The following TRIP12 variants were observed in gnomAD, a reference collection of about 807,000 sequenced individuals.
The protein encoded by TRIP12 is E3 ubiquitin-protein ligase TRIP12.
A neutral mutation model predicts 244.2 loss-of-function variants in TRIP12; 25 were observed. The observed-to-expected ratio is 0.10, with a 90% confidence interval of 0.07 to 0.14. The LOEUF is 0.14. Among genes scored for constraint, TRIP12 ranks in the 10% least tolerant of loss-of-function variants. The pLI is 1.00. For synonymous variants in TRIP12, 905 were observed against 873.1 expected (o/e 1.04, Z -0.64); for missense variants, 1,677 against 2,486.4 (o/e 0.67, Z 6.92).
intron 9 of TRIP12, among the ~76,000 whole-genome samples, chr2:229,816,336 A>C (rs986683790): frequency 6.6e-6 from 1 of 152,028 alleles, no homozygotes; most frequent in Non-Finnish European, 1.5e-5. Context: ...AAAAAAAAAA[A>C]AAAAACTATC....
At chr2:229,873,090 A>G (rs1230511704) in intron 2 of TRIP12, among the ~76,000 whole-genome samples, 4 of 152,204 alleles carry the variant, frequency 2.6e-5, no homozygotes, top group East Asian at 1.9e-4. Flanking sequence ...CTTTAAACCT[A>G]CTTTTTCAAT....
chr2:229,878,676 G>A (rs2064146714), intron 2 of TRIP12, among the ~76,000 whole-genome samples: 1 of 150,920 alleles, frequency 6.6e-6, no homozygotes, highest in Non-Finnish European at 1.5e-5. Flanking sequence ...CGCCTCCCGG[G>A]TTCACGCCAT....
chr2:229,921,906 C>T lies in TRIP12; in HGVS notation c.-76G>A, dbSNP rs555662638. On this transcript the variant is annotated 5_prime_UTR_variant, in exon 1 of 42. Transcript: ENST00000675903. ...TAGTTAGGCCCCAAAGTCTCCGGTC[C>T]GGACTCGGTGGCGCGGCAGTAACTT... The T allele has an allele frequency of 1.3e-5, 2 of 149,762 alleles. No homozygotes were observed. Among genetic ancestry groups the T allele is most frequent in the African/African-American group, 2.5e-5 (1 of 40,630 alleles). 9.3% of individuals were successfully genotyped at this position (149,762 alleles called of 1,614,324 possible). A position where few individuals can be genotyped will look rare whatever the true frequency, so the allele number is the denominator to read the frequency against.
chr2:229,824,683 T>C (rs1044451229), intron 8 of TRIP12, among the ~76,000 whole-genome samples: 1 of 152,162 alleles, frequency 6.6e-6, no homozygotes, highest in East Asian at 1.9e-4. Context: ...CAAAATATAG[T>C]GTCAAAAGCA....
chr2:229,786,738 A>G (rs1019074755), intron 33 of TRIP12, among the ~76,000 whole-genome samples: 2 of 151,796 alleles, frequency 1.3e-5, no homozygotes, highest in African/African-American at 2.4e-5. Flanking sequence ...TTTTTTAACT[A>G]CAATGTTTGC....
intron 1 of TRIP12, among the ~76,000 whole-genome samples, chr2:229,919,205 C>T (rs555290044): frequency 6.6e-6 from 1 of 152,158 alleles, no homozygotes; most frequent in Admixed American, 6.6e-5. Flanking sequence ...CCTGAGAGGT[C>T]GGGAGTTCGA....
At chr2:229,900,644 T>G (rs987998209) in intron 1 of TRIP12, 3 of 152,102 alleles carry the variant, frequency 2.0e-5, no homozygotes, top group African/African-American at 7.2e-5. Flanking sequence ...GGTGGATCAC[T>G]TGAGGTCAGG....
chr2:229,807,046 T>C (rs775366688), intron 17 of TRIP12, among the ~76,000 whole-genome samples: 2 of 152,134 alleles, frequency 1.3e-5, no homozygotes, highest in Non-Finnish European at 2.9e-5. Flanking sequence ...AAACAATATA[T>C]AAGGAAGTAA....
intron 24 of TRIP12, among the ~76,000 whole-genome samples, chr2:229,797,052 G>GT (rs1181055676): frequency 6.6e-6 from 1 of 152,024 alleles, no homozygotes; most frequent in Non-Finnish European, 1.5e-5. Flanking sequence ...TTAAAAAAGA[G>GT]TATTTTAAAA....
At position 229,904,007 on chromosome 2, in the gene TRIP12, G is replaced by C. The variant is rs575442817; in HGVS notation, c.-50+17873C>G. Among the ~76,000 whole-genome samples, 46 of 152,186 alleles carry C rather than the reference G, an allele frequency of 3.0e-4. 1 individual carries two copies. Among genetic ancestry groups the C allele is most frequent in the African/African-American group, 1.0e-3 (42 of 41,506 alleles). ...ACTAAGATGGAGCCACTGCACTCCC[G>C]CCTGGGCAACTGAGCAAGACCCTGT... On this transcript the variant is annotated intron_variant, in intron 1 of 41. Transcript: ENST00000675903.
At chr2:229,899,510 G>A (rs17258702) in intron 1 of TRIP12, among the ~76,000 whole-genome samples, 25,650 of 152,164 alleles carry the variant, frequency 0.17, 2,732 homozygotes, top group Middle Eastern at 0.27. Flanking sequence ...CAGATAGCCA[G>A]CGGTGATACT....
chr2:229,843,068 CACTCCTT>C (rs2056839949), intron 4 of TRIP12, among the ~76,000 whole-genome samples: 2 of 129,670 alleles, frequency 1.5e-5, no homozygotes, highest in African/African-American at 5.5e-5. Context: ...CTCTCTCCCC[CACTCCTT>C]CCCTCCCTCC....
intron 22 of TRIP12, 28 bp from the exon 23 acceptor site, chr2:229,799,077 A>G (rs771675708): frequency 1.2e-6 from 2 of 1,610,270 alleles, no homozygotes. Context: ...AACTACAGTT[A>G]AGTCATTTTA....
chr2:229,851,039 G>A (rs1485645350), intron 4 of TRIP12, among the ~76,000 whole-genome samples: 3 of 152,178 alleles, frequency 2.0e-5, no homozygotes, highest in East Asian at 1.9e-4. Flanking sequence ...CCTCCCCGAC[G>A]AGCGCCGCCC....
In TRIP12 at chr2:229,785,772, G is replaced by T; in HGVS notation, c.5079C>A (p.Ile1693=). The T allele has an allele frequency of 6.2e-7, 1 of 1,613,392 alleles. No individual in the cohort carries two copies. The highest frequency in any genetic ancestry group is 8.5e-7 in the Non-Finnish European group (1 of 1,179,726). ...CCAAGCTCACCTCATTTTCATACTG[G>T]ATTTCTAACATGGCCCGTGAGCTGC... The part of the protein sequence containing the change: ...DLGSSRAMLE[I]QYENEVGTGL... The change falls in exon 34 of 42, where the codon ATC becomes ATA. Residue 1693 remains isoleucine, a synonymous_variant. Transcript: ENST00000675903.
chr2:229,802,480 A>C (rs2044637997), intron 20 of TRIP12, 21 bp from the exon 21 acceptor site: 2 of 1,589,406 alleles, frequency 1.3e-6, no homozygotes, highest in Admixed American at 1.7e-5. Context: ...ACAGAGATGA[A>C]AGGGAGTCAG....
At chr2:229,801,184 C>T (rs2044240877) in intron 21 of TRIP12, among the ~76,000 whole-genome samples, 1 of 152,070 alleles carries the variant, frequency 6.6e-6, no homozygotes. Flanking sequence ...TGGAAGAGTC[C>T]CCAGAACTCT....
At chr2:229,804,576 T>A (rs2045346438) in intron 18 of TRIP12, among the ~76,000 whole-genome samples, 1 of 152,018 alleles carries the variant, frequency 6.6e-6, no homozygotes, top group Non-Finnish European at 1.5e-5. Context: ...AGAAACTGAG[T>A]TCTAGAAATG....
chr2:229,898,906 T>C (rs2154367987), intron 1 of TRIP12, among the ~76,000 whole-genome samples: 1 of 152,338 alleles, frequency 6.6e-6, no homozygotes, highest in African/African-American at 2.4e-5. Context: ...TGTCTCACTG[T>C]TCCCCAGGCT....
Sources: gnomAD v4.1 joint callset for allele counts (sites outside exome capture counted in the v4.1 genomes callset) on GRCh38, gnomAD v4.1.1 for gene constraint, MANE v1.5 for transcripts, NCBI Gene and HGNC (gene_info 2026-07-23, HGNC 2026-07-21) for gene names.